The following HYAL4 variants were observed in gnomAD, a reference collection of about 807,000 sequenced individuals.
The protein encoded by HYAL4 is hyaluronidase-4.
In HYAL4, 37 loss-of-function variants were observed where a neutral mutation model predicts 35.2. The observed-to-expected ratio is 1.05, with a 90% confidence interval of 0.81 to 1.38. HYAL4 has a LOEUF of 1.38. Among genes scored for constraint, HYAL4 ranks in the 40% most tolerant of loss-of-function variants. The pLI is 0.00. For synonymous variants in HYAL4, 198 were observed against 203.2 expected (o/e 0.97, Z 0.22); for missense variants, 572 against 572.4 (o/e 1.00, Z 0.01).
chr7:123,807,271 TTTTC>T, the HYAL4 span, among the ~76,000 whole-genome samples: 1 of 152,104 alleles, frequency 6.6e-6, no homozygotes, highest in Non-Finnish European at 1.5e-5. Flanking sequence ...TTTCTCTTCT[TTTTC>T]TTTTCATAAA....
At chr7:123,866,637 G>A (rs1053119253) in intron 2 of HYAL4, among the ~76,000 whole-genome samples, 2 of 152,112 alleles carry the variant, frequency 1.3e-5, no homozygotes, top group East Asian at 1.9e-4. Flanking sequence ...GACTGCAAAC[G>A]TTTTATGCCA....
At chr7:123,874,919 C>T in intron 4 of HYAL4, 69 bp downstream of exon 4, 1 of 900,058 alleles carries the variant, frequency 1.1e-6, no homozygotes, top group Non-Finnish European at 1.8e-6. Flanking sequence ...TCTTGGAGAG[C>T]TTAATGACCT....
chr7:123,816,327 G>T, the HYAL4 span, among the ~76,000 whole-genome samples: 1 of 152,106 alleles, frequency 6.6e-6, no homozygotes, highest in Non-Finnish European at 1.5e-5. Context: ...GCCTACCAAA[G>T]TCTTCTTGCT....
the HYAL4 span, chr7:123,814,815 A>G: frequency 8.2e-6 from 1 of 121,636 alleles, no homozygotes; most frequent in Non-Finnish European, 1.9e-5. Context: ...TACACAGGTA[A>G]TTGTCCAAAT....
At chr7:123,820,523 C>T in the HYAL4 span, among the ~76,000 whole-genome samples, 5 of 149,542 alleles carry the variant, frequency 3.3e-5, no homozygotes, top group South Asian at 2.1e-4. Context: ...GCAGAGTTGG[C>T]GGTGAGTCAA....
At chr7:123,790,029 C>T in the HYAL4 span, among the ~76,000 whole-genome samples, 22 of 152,230 alleles carry the variant, frequency 1.4e-4, no homozygotes, top group African/African-American at 5.1e-4. Flanking sequence ...GTGTTTATCT[C>T]ACAGTCTTGA....
chr7:123,868,074 T>A (rs1806733211), intron 2 of HYAL4, 149 bp from the exon 3 acceptor site: 1 of 372,814 alleles, frequency 2.7e-6, no homozygotes. Context: ...TCTCTACATA[T>A]GCTTCTATAT....
intron 2 of HYAL4, among the ~76,000 whole-genome samples, chr7:123,862,091 C>T (rs1806587802): frequency 6.6e-6 from 1 of 152,110 alleles, no homozygotes; most frequent in South Asian, 2.1e-4. Context: ...TTGGCTGTTG[C>T]TCTAATAAGC....
chr7:123,865,940 G>T (rs1008577249), intron 2 of HYAL4, among the ~76,000 whole-genome samples: 9 of 152,146 alleles, frequency 5.9e-5, no homozygotes, highest in Admixed American at 6.6e-5. Context: ...TTACATGGTG[G>T]CTGGCAAGAG....
At chr7:123,804,042 T>A in the HYAL4 span, among the ~76,000 whole-genome samples, 8 of 152,180 alleles carry the variant, frequency 5.3e-5, no homozygotes, top group African/African-American at 1.7e-4. Context: ...AATTGTCTTA[T>A]CCTTATACTA....
the HYAL4 span, among the ~76,000 whole-genome samples, chr7:123,820,809 T>C: frequency 1.3e-5 from 2 of 152,112 alleles, no homozygotes; most frequent in Non-Finnish European, 2.9e-5. Flanking sequence ...ATTTCTCATT[T>C]CTCCCACCCT....
chr7:123,769,946 C>T, the HYAL4 span, among the ~76,000 whole-genome samples: 2 of 151,020 alleles, frequency 1.3e-5, no homozygotes, highest in African/African-American at 2.4e-5. Context: ...AAATAACAAA[C>T]GTGTGGTTAT....
the HYAL4 span, among the ~76,000 whole-genome samples, chr7:123,788,314 G>A: frequency 6.6e-6 from 1 of 152,166 alleles, no homozygotes; most frequent in South Asian, 2.1e-4. Flanking sequence ...TGTATTGTCA[G>A]TTACTATTTG....
At chr7:123,801,663 T>C in the HYAL4 span, among the ~76,000 whole-genome samples, 3 of 152,372 alleles carry the variant, frequency 2.0e-5, no homozygotes, top group Admixed American at 1.3e-4. Flanking sequence ...ATGTTTGATT[T>C]TATAATCTTT....
chr7:123,843,476 C>G (rs943130570), upstream of HYAL4, among the ~76,000 whole-genome samples: 2 of 151,924 alleles, frequency 1.3e-5, no homozygotes, highest in Non-Finnish European at 2.9e-5. Context: ...AATTATGTGT[C>G]TTGGGGTTGC....
chr7:123,847,421 A>G (rs1370763222), intron 1 of HYAL4, among the ~76,000 whole-genome samples: 1 of 152,164 alleles, frequency 6.6e-6, no homozygotes, highest in Non-Finnish European at 1.5e-5. Flanking sequence ...GATGATACCT[A>G]ATACTCTATT....
intron 2 of HYAL4, among the ~76,000 whole-genome samples, chr7:123,854,692 A>G (rs746202585): frequency 1.2e-4 from 19 of 152,174 alleles, no homozygotes; most frequent in Non-Finnish European, 1.8e-4. Flanking sequence ...AAGAATGTAT[A>G]TTCTGTTGAT....
Position 123,876,926 on chromosome 7 carries a change from A to T in HYAL4, c.1217A>T (p.His406Leu). 1 of 1,614,174 alleles carries T rather than the reference A, an allele frequency of 6.2e-7. No homozygotes were observed. The highest frequency in any genetic ancestry group is 1.3e-5 in the African/African-American group (1 of 75,056). Reference sequence around the variant, plus strand: ...CTTCACTTGAACCCTGCAAGTTACCACATAGAGGCCTCTGAGGACGGGGAG... The same window carrying T: ...CTTCACTTGAACCCTGCAAGTTACCTCATAGAGGCCTCTGAGGACGGGGAG... ...SYLHLNPASY[H>L]IEASEDGEFT... Residue 406 changes from histidine (H) to leucine (L), a missense_variant, in exon 5 of 5, where the codon CAC becomes CTC. His to Leu is a moderately conservative substitution (Grantham distance 99, BLOSUM62 -3). Coordinates refer to ENST00000223026, the MANE Select transcript of HYAL4 (RefSeq NM_012269.3).
At chr7:123,791,628 G>A in the HYAL4 span, among the ~76,000 whole-genome samples, 1 of 152,178 alleles carries the variant, frequency 6.6e-6, no homozygotes, top group Admixed American at 6.5e-5. Context: ...CTCCACTTGG[G>A]TGCTGTGCAC....
Sources: allele counts gnomAD v4.1 joint callset (sites outside exome capture counted in the v4.1 genomes callset), GRCh38; gene constraint gnomAD v4.1.1; transcripts MANE v1.5; gene names NCBI Gene and HGNC (gene_info 2026-07-23, HGNC 2026-07-21).